The following TMTC2 variants were observed in gnomAD, a reference collection of about 807,000 sequenced individuals.
TMTC2 encodes protein O-mannosyl-transferase TMTC2.
A neutral mutation model predicts 82.4 loss-of-function variants in TMTC2; 43 were observed. The ratio of observed to expected loss-of-function variants is 0.52; its 90% CI spans 0.41 to 0.67. The LOEUF is 0.67. TMTC2 is among the 30% of genes least tolerant of loss of function. TMTC2 has a pLI of 0.00. For missense variants in TMTC2, 919 were observed against 1,012.4 expected, an observed-to-expected ratio of 0.91 and a Z score of 1.25; for synonymous variants, 408 against 381.9, an observed-to-expected ratio of 1.07 and a Z score of -0.80.
intron 8 of TMTC2, among the ~76,000 whole-genome samples, chr12:83,027,149 T>C (rs1410921116): frequency 6.6e-6 from 1 of 151,996 alleles, no homozygotes; most frequent in Non-Finnish European, 1.5e-5. Flanking sequence ...GTAAACAAAA[T>C]GAGGAATAAT....
intron 11 of TMTC2, among the ~76,000 whole-genome samples, chr12:83,093,557 G>A (rs1883915908): frequency 6.6e-6 from 1 of 152,142 alleles, no homozygotes; most frequent in Non-Finnish European, 1.5e-5. Context: ...GCTTATTGTT[G>A]GGTTTGTTTC....
intron 7 of TMTC2, among the ~76,000 whole-genome samples, chr12:82,978,189 G>GA (rs1878765162): frequency 6.6e-6 from 1 of 151,566 alleles, no homozygotes; most frequent in Non-Finnish European, 1.5e-5. Context: ...AGCCAATCTT[G>GA]AATAGATCAA....
intron 1 of TMTC2, among the ~76,000 whole-genome samples, chr12:82,773,536 C>T (rs527375999): frequency 2.6e-5 from 4 of 151,652 alleles, no homozygotes; most frequent in Admixed American, 6.6e-5. Context: ...TCTCGGCTCA[C>T]TGCAGCCTCT....
chr12:82,955,977 G>A (rs74106198), intron 4 of TMTC2, among the ~76,000 whole-genome samples: 5,891 of 151,598 alleles, frequency 0.039, 367 homozygotes, highest in African/African-American at 0.14. Context: ...TTAATATATA[G>A]CATGGGCCAG....
At chr12:83,015,336 G>A (rs1880628299) in intron 8 of TMTC2, among the ~76,000 whole-genome samples, 1 of 152,134 alleles carries the variant, frequency 6.6e-6, no homozygotes, top group Non-Finnish European at 1.5e-5. Flanking sequence ...TGACTAAACT[G>A]CCATCCTATA....
chr12:82,923,994 T>C (rs1592630834), intron 3 of TMTC2, among the ~76,000 whole-genome samples: 1 of 152,218 alleles, frequency 6.6e-6, no homozygotes, highest in African/African-American at 2.4e-5. Flanking sequence ...TTATGGCAGC[T>C]CTTCAAAAAC....
At chr12:82,696,699 G>A (rs1000141715) in intron 1 of TMTC2, among the ~76,000 whole-genome samples, 1 of 152,070 alleles carries the variant, frequency 6.6e-6, no homozygotes, top group African/African-American at 2.4e-5. Flanking sequence ...GATAAATAGT[G>A]TAGTATTTCT....
At chr12:83,083,812 A>G (rs1427460553) in intron 11 of TMTC2, among the ~76,000 whole-genome samples, 1 of 152,202 alleles carries the variant, frequency 6.6e-6, no homozygotes, top group African/African-American at 2.4e-5. Context: ...TCAGCACAAG[A>G]CAGCAGTCTT....
At chr12:82,789,568 A>C (rs541877486) in intron 1 of TMTC2, among the ~76,000 whole-genome samples, 1 of 152,274 alleles carries the variant, frequency 6.6e-6, no homozygotes, top group East Asian at 1.9e-4. Flanking sequence ...ATAGAAATAT[A>C]GACTAAGCCA....
intron 11 of TMTC2, among the ~76,000 whole-genome samples, chr12:83,067,089 G>T (rs183643256): frequency 2.6e-5 from 4 of 151,788 alleles, no homozygotes; most frequent in African/African-American, 9.7e-5. Flanking sequence ...TTTAAATTTC[G>T]AATAAGGAAG....
intron 1 of TMTC2, among the ~76,000 whole-genome samples, chr12:82,794,329 G>C (rs1366278017): frequency 6.6e-6 from 1 of 151,978 alleles, no homozygotes; most frequent in African/African-American, 2.4e-5. Flanking sequence ...AATGATGCAC[G>C]TTTCCCCTCT....
chr12:83,030,828 T>C lies in TMTC2; in HGVS notation c.2101T>C (p.Leu701=). The change falls in exon 9 of 12, where the codon TTG becomes CTG. Residue 701 remains leucine (L), a synonymous_variant. Coordinates refer to ENST00000321196, the MANE Select transcript of TMTC2 (RefSeq NM_152588.3). ...TAAGAGTGAGGCTGAAAAGCTCTTC[T>C]TGAAGGCTATTGAGCTGGATCCCAC... ...GRKSEAEKLF[L]KAIELDPTKG... 2 of 1,613,754 alleles carry C rather than the reference T, an allele frequency of 1.2e-6. No individual in the cohort carries two copies. The highest frequency in any genetic ancestry group is 1.1e-5 in the South Asian group (1 of 91,054).
rs1237844642 is a variant in TMTC2, at chr12:82,939,456, T to A, written c.1598+8911T>A. Among the ~76,000 whole-genome samples, 4 of 152,192 alleles carry A rather than the reference T, an allele frequency of 2.6e-5. No homozygotes were observed. In the East Asian group the frequency reaches 7.7e-4, roughly 29 times the overall value. On this transcript the variant is annotated intron_variant, in intron 4 of 11. Transcript: ENST00000321196. ...TTGCAGCCTAATATGCTTTTAAATT[T>A]GATATTTTTGGGGTTTTAAAGTTAT...
At chr12:82,743,199 T>C (rs904052566) in intron 1 of TMTC2, among the ~76,000 whole-genome samples, 1 of 152,144 alleles carries the variant, frequency 6.6e-6, no homozygotes, top group Non-Finnish European at 1.5e-5. Context: ...TCCCAGCACT[T>C]TGGGAGGCCG....
chr12:83,019,162 A>C (rs1541954), intron 8 of TMTC2, among the ~76,000 whole-genome samples: 3 of 78,060 alleles, frequency 3.8e-5, no homozygotes, highest in Admixed American at 1.4e-4. Context: ...CTAAACTAAA[A>C]AAAAAAAACA....
intron 8 of TMTC2, among the ~76,000 whole-genome samples, chr12:82,995,363 C>T (rs561835962): frequency 6.6e-5 from 10 of 151,824 alleles, no homozygotes; most frequent in African/African-American, 2.4e-4. Context: ...CGCACATAAA[C>T]GATGCCACAT....
intron 1 of TMTC2, among the ~76,000 whole-genome samples, chr12:82,797,369 T>A (rs1391688027): frequency 6.6e-6 from 1 of 152,186 alleles, no homozygotes; most frequent in Non-Finnish European, 1.5e-5. Context: ...TGTAGCATAA[T>A]GAATTGGACA....
chr12:82,813,285 G>T (rs1025668927), intron 1 of TMTC2, among the ~76,000 whole-genome samples: 8 of 152,016 alleles, frequency 5.3e-5, no homozygotes, highest in African/African-American at 1.7e-4. Context: ...TAGTCATTTT[G>T]TCATACTCAG....
At chr12:82,842,846 C>T (rs1250125092) in intron 1 of TMTC2, among the ~76,000 whole-genome samples, 1 of 152,026 alleles carries the variant, frequency 6.6e-6, no homozygotes, top group African/African-American at 2.4e-5. Context: ...TCTTGGACAC[C>T]AGTCATGTTG....
Sources: gnomAD v4.1 joint callset for allele counts (sites outside exome capture counted in the v4.1 genomes callset) on GRCh38, gnomAD v4.1.1 for gene constraint, MANE v1.5 for transcripts, NCBI Gene and HGNC (gene_info 2026-07-23, HGNC 2026-07-21) for gene names.